GRAMD1A: variants seen among roughly 807,000 people sequenced by gnomAD.
GRAMD1A encodes the protein protein Aster-A.
A neutral mutation model predicts 92.0 loss-of-function variants in GRAMD1A; 50 were observed. That is an observed-to-expected ratio of 0.54 (90% CI 0.43 to 0.69). The LOEUF (loss-of-function observed/expected upper bound fraction) is 0.69, where lower values mean the gene tolerates loss of function less well. Among genes scored for constraint, GRAMD1A ranks in the 30% least tolerant of loss-of-function variants. The probability of loss-of-function intolerance (pLI) is 0.00; values close to 1 mark genes in which losing one functional copy is unlikely to be tolerated. For missense variants in GRAMD1A, 819 were observed against 978.9 expected (o/e 0.84, Z 2.18); for synonymous variants, 405 against 403.6 (o/e 1.00, Z -0.04).
At chr19:35,004,033 C>G (rs967267108) in intron 1 of GRAMD1A, among the ~76,000 whole-genome samples, 1 of 152,168 alleles carries the variant, frequency 6.6e-6, no homozygotes, top group African/African-American at 2.4e-5. Context: ...TTGAGACCAG[C>G]CTGGGCAACA....
chr19:34,995,102 T>C (rs1357827586), intron 1 of GRAMD1A, among the ~76,000 whole-genome samples: 1 of 152,056 alleles, frequency 6.6e-6, no homozygotes, highest in African/African-American at 2.4e-5. Flanking sequence ...CACCTCCCTT[T>C]GTTTGTCTTG....
chr19:34,995,194 C>T (rs1483674721), intron 1 of GRAMD1A, among the ~76,000 whole-genome samples: 2 of 152,222 alleles, frequency 1.3e-5, no homozygotes, highest in African/African-American at 4.8e-5. Context: ...TACCCAGGCC[C>T]GGGCTCTGGT....
chr19:35,022,175 A>T, intron 16 of GRAMD1A, 137 bp downstream of exon 16: 1 of 628,782 alleles, frequency 1.6e-6, no homozygotes, highest in Non-Finnish European at 2.7e-6. Flanking sequence ...GGATTAGACA[A>T]GGCAATGTTT....
rs768825500 is a variant in GRAMD1A at position 35,019,264 on chromosome 19, C to T, written c.1287C>T (p.Ile429=). The T allele has an allele frequency of 1.9e-6, 3 of 1,613,650 alleles. No homozygotes were observed. Among genetic ancestry groups the T allele is most frequent in the Non-Finnish European group, 2.5e-6 (3 of 1,179,702 alleles). The change falls in exon 12 of 20, where the codon ATC becomes ATT. Residue 429 remains isoleucine, a synonymous_variant. Transcript: ENST00000317991. The part of the protein sequence containing the change: ...QRRVLTYTIP[I]SNPLGPKSAS... ...GGGTGCTGACGTACACCATCCCCAT[C>T]AGCAACCCACTGGGCCCCAAGAGCG... is the stretch of plus-strand genomic sequence containing the variant.
chr19:35,008,234 C>G (rs553749583), intron 1 of GRAMD1A, among the ~76,000 whole-genome samples: 5 of 152,204 alleles, frequency 3.3e-5, no homozygotes, highest in African/African-American at 1.2e-4. Flanking sequence ...GAGGTTGAAG[C>G]AGGAGAATCT....
At chr19:35,011,601 A>G (rs200140639) in intron 7 of GRAMD1A, 47 bp downstream of exon 7, 6 of 1,364,724 alleles carry the variant, frequency 4.4e-6, no homozygotes, top group East Asian at 4.6e-5. Flanking sequence ...TTCCAGGGGG[A>G]CCATGGAGCC....
chr19:35,024,016 A>G (rs1240556087), intron 19 of GRAMD1A, among the ~76,000 whole-genome samples: 3 of 152,214 alleles, frequency 2.0e-5, no homozygotes, highest in Non-Finnish European at 4.4e-5. Flanking sequence ...CTCTGGGGTA[A>G]CTAAGGGGTC....
At chr19:35,010,575 G>A (rs2015162754) in intron 6 of GRAMD1A, 196 bp downstream of exon 6, 2 of 603,816 alleles carry the variant, frequency 3.3e-6, no homozygotes, top group Admixed American at 2.9e-5. Flanking sequence ...CCTGCAACCT[G>A]TTACCTCACA....
upstream of GRAMD1A, among the ~76,000 whole-genome samples, chr19:34,995,444 C>T (rs1333069635): frequency 6.6e-6 from 1 of 152,194 alleles, no homozygotes; most frequent in Non-Finnish European, 1.5e-5. Context: ...CAGATACTGC[C>T]TGGCCACCCT....
chr19:35,012,790 C>A (rs1398521769), intron 7 of GRAMD1A, among the ~76,000 whole-genome samples: 2 of 152,230 alleles, frequency 1.3e-5, no homozygotes, highest in African/African-American at 4.8e-5. Flanking sequence ...GCCTGGCCAA[C>A]ATGGTGAAAC....
chr19:35,005,682 A>G (rs1439023692), intron 1 of GRAMD1A, among the ~76,000 whole-genome samples: 1 of 152,152 alleles, frequency 6.6e-6, no homozygotes, highest in Non-Finnish European at 1.5e-5. Flanking sequence ...TTTATTTTAC[A>G]AGTGTTACAT....
intron 16 of GRAMD1A, among the ~76,000 whole-genome samples, chr19:35,022,660 A>T (rs930552971): frequency 2.0e-5 from 3 of 152,168 alleles, no homozygotes; most frequent in Admixed American, 2.0e-4. Flanking sequence ...AGCCTGCAGG[A>T]GTTGGCGGGC....
chr19:35,015,289 C>T (rs1436554886), intron 10 of GRAMD1A: 2 of 152,646 alleles, frequency 1.3e-5, no homozygotes, highest in African/African-American at 4.8e-5. Flanking sequence ...TCTCTCTCCA[C>T]TAATTTTCAG....
intron 7 of GRAMD1A, among the ~76,000 whole-genome samples, chr19:35,012,509 T>G (rs1403510416): frequency 6.6e-6 from 1 of 152,192 alleles, no homozygotes; most frequent in East Asian, 1.9e-4. Flanking sequence ...AGCTCAAGGC[T>G]CCCGAGGACA....
At chr19:35,001,467 A>G (rs1365997227) in intron 1 of GRAMD1A, among the ~76,000 whole-genome samples, 1 of 151,876 alleles carries the variant, frequency 6.6e-6, no homozygotes, top group Non-Finnish European at 1.5e-5. Context: ...TTCTATCTGT[A>G]GCTCCAAGCG....
intron 6 of GRAMD1A, 127 bp from the exon 7 acceptor site, chr19:35,011,347 G>C: frequency 1.3e-6 from 1 of 779,248 alleles, no homozygotes; most frequent in Non-Finnish European, 2.3e-6. Context: ...AACTAATGCA[G>C]GGGTGAATTA....
chr19:34,996,383 G>A (rs2014038188), upstream of GRAMD1A: 1 of 1,025,354 alleles, frequency 9.8e-7, no homozygotes, highest in Non-Finnish European at 1.4e-6. Context: ...CTGCGGGTCA[G>A]AGCACAACCT....
chr19:35,014,359 T>TA lies in GRAMD1A; in HGVS notation c.1043dup (p.Asn348LysfsTer34), dbSNP rs776993419. On this transcript the variant is annotated frameshift_variant, in exon 10 of 20. Coordinates refer to ENST00000317991, the MANE Select transcript of GRAMD1A (RefSeq NM_020895.5). LOFTEE classifies it high-confidence loss of function. ...GTGAGGAGCTATTGACAGACACAAG[T>TA]AACTCCTCTTCATCCACTGGGGAGG... is the stretch of plus-strand genomic sequence containing the variant. The TA allele has an allele frequency of 3.7e-6, 6 of 1,614,050 alleles. No individual in the cohort carries two copies. Among genetic ancestry groups the TA allele is most frequent in the Non-Finnish European group, 4.2e-6 (5 of 1,179,968 alleles).
Position 35,009,224 on chromosome 19 carries a change from C to T in GRAMD1A, c.114C>T (p.Gly38=). Residue 38 remains glycine, a synonymous_variant, in exon 2 of 20, where the codon GGC becomes GGT. Transcript: ENST00000317991. The part of the protein sequence containing the change: ...PSRPPPEPEP[G]TMVEKGSDSS... ...GGCCCCCACCTGAGCCAGAACCAGGCACCATGGTGGAGAAGGGATCAGATA... is the reference window on the plus strand; with the variant it reads ...GGCCCCCACCTGAGCCAGAACCAGGTACCATGGTGGAGAAGGGATCAGATA... 6.2e-7 allele frequency: 1 copy of T among 1,613,400 alleles called. No individual in the cohort carries two copies. The highest frequency in any genetic ancestry group is 1.1e-5 in the South Asian group (1 of 91,074).
Sources: gnomAD v4.1 joint callset for allele counts (sites outside exome capture counted in the v4.1 genomes callset) on GRCh38, gnomAD v4.1.1 for gene constraint, MANE v1.5 for transcripts, NCBI Gene and HGNC (gene_info 2026-07-23, HGNC 2026-07-21) for gene names.